The following PCYT1B variants were observed in gnomAD, a reference collection of about 807,000 sequenced individuals.
PCYT1B encodes the protein choline-phosphate cytidylyltransferase B.
PCYT1B carries 10 observed loss-of-function variants against 26.4 expected under a neutral mutation model. The ratio of observed to expected loss-of-function variants is 0.38; its 90% CI spans 0.23 to 0.64. The LOEUF (loss-of-function observed/expected upper bound fraction) is 0.64. Ranked by LOEUF, PCYT1B falls within the 30% of genes least tolerant of loss-of-function variation. The pLI is 0.56. For missense variants in PCYT1B, 161 were observed against 292.7 expected (o/e 0.55, Z 3.28); for synonymous variants, 131 against 108.4 (o/e 1.21, Z -1.29).
In PCYT1B at chrX:24,619,056, T is replaced by C; in HGVS notation, c.146A>G (p.Asp49Gly). ...TGCTTGACACTGGCAGTTGGTTTCA[T>C]CAGCAAATGGGGCAGGTGCAGTCAG... ...LTLTAPAPFA[D>G]ETNCQCQAPH... The change falls in exon 2 of 8, where the codon GAT becomes GGT. Residue 49 changes from aspartate (D) to glycine (G), a missense_variant. By Grantham distance (94) the Asp-to-Gly change is moderately conservative (BLOSUM62 -1). This residue lies in a region of PCYT1B where 51 missense variants were observed against 51.0 expected (regional missense o/e 1.00). Transcript: ENST00000379144. The C allele has an allele frequency of 8.4e-7, 1 of 1,192,534 alleles. No homozygotes were observed. Among genetic ancestry groups the C allele is most frequent in the East Asian group, 3.0e-5 (1 of 33,589 alleles).
At chrX:24,594,172 A>C (rs2148237428) in intron 3 of PCYT1B, among the ~76,000 whole-genome samples, 1 of 111,541 alleles carries the variant, frequency 9.0e-6, no homozygotes, top group Admixed American at 9.6e-5. Context: ...GAAGCATATT[A>C]TAAATAACTT....
intron 5 of PCYT1B, among the ~76,000 whole-genome samples, chrX:24,584,542 T>G (rs1384238121): frequency 2.7e-5 from 3 of 111,629 alleles, no homozygotes; most frequent in Non-Finnish European, 5.6e-5. Context: ...TGCTCTTGAC[T>G]TCTCAGGAAG....
At chrX:24,651,468 AAAAAATATAT>A (rs1478233482), upstream of PCYT1B, among the ~76,000 whole-genome samples, 7 of 33,932 alleles carry the variant, frequency 2.1e-4, no homozygotes, top group African/African-American at 8.5e-4. Context: ...AAAAAAAAAA[AAAAAATATAT>A]ATATATATAT....
chrX:24,617,451 TA>T (rs1195059001), intron 2 of PCYT1B, among the ~76,000 whole-genome samples: 2 of 52,201 alleles, frequency 3.8e-5, no homozygotes, highest in Non-Finnish European at 6.6e-5. Flanking sequence ...ATATTATTAT[TA>T]TTTTTTTTTT....
intron 3 of PCYT1B, among the ~76,000 whole-genome samples, chrX:24,597,083 T>C (rs1924805080): frequency 9.0e-6 from 1 of 111,141 alleles, no homozygotes; most frequent in South Asian, 3.8e-4. Context: ...TAAACTACGA[T>C]ACATATACCC....
At chrX:24,572,691 G>GA (rs750343931) in intron 7 of PCYT1B, among the ~76,000 whole-genome samples, 1 of 110,708 alleles carries the variant, frequency 9.0e-6, no homozygotes, top group East Asian at 2.8e-4. Flanking sequence ...AACGTCAACA[G>GA]AAAAAAAGTA....
chrX:24,628,780 A>G (rs1055862010), intron 1 of PCYT1B, among the ~76,000 whole-genome samples: 1 of 112,063 alleles, frequency 8.9e-6, no homozygotes, highest in Non-Finnish European at 1.9e-5. Flanking sequence ...ATACTTCTCC[A>G]TCATTGAATA....
At chrX:24,668,255 T>C (rs1303853662) in intron 1 of PCYT1B, among the ~76,000 whole-genome samples, 4 of 111,757 alleles carry the variant, frequency 3.6e-5, no homozygotes, top group African/African-American at 1.3e-4. Context: ...CTGAAGGAGC[T>C]GAAAGATTTA....
intron 3 of PCYT1B, among the ~76,000 whole-genome samples, chrX:24,593,205 T>TGGC (rs1569242576): frequency 8.9e-6 from 1 of 111,852 alleles, no homozygotes; most frequent in East Asian, 2.8e-4. Context: ...ACCTGGCCCC[T>TGGC]AGTAGGCTTT....
chrX:24,667,132 CT>C (rs1004035008), intron 1 of PCYT1B, among the ~76,000 whole-genome samples: 8 of 110,431 alleles, frequency 7.2e-5, no homozygotes, highest in African/African-American at 2.6e-4. Flanking sequence ...GCTTCTTGGC[CT>C]TTTGGCTAAG....
intron 3 of PCYT1B, among the ~76,000 whole-genome samples, chrX:24,605,502 A>G (rs1382510883): frequency 3.6e-5 from 4 of 112,093 alleles, no homozygotes; most frequent in Non-Finnish European, 7.5e-5. Flanking sequence ...TTACTTGTTT[A>G]GTGGGCAATG....
intron 5 of PCYT1B, among the ~76,000 whole-genome samples, chrX:24,585,550 C>T (rs754104659): frequency 9.0e-6 from 1 of 110,784 alleles, no homozygotes; most frequent in East Asian, 2.9e-4. Flanking sequence ...AGGTGACAGT[C>T]TCAGGCCAAA....
intron 7 of PCYT1B, among the ~76,000 whole-genome samples, chrX:24,565,402 A>T (rs952075311): frequency 9.0e-6 from 1 of 111,227 alleles, no homozygotes; most frequent in African/African-American, 3.3e-5. Flanking sequence ...GGGGAAGAAG[A>T]GGGTAGAAGA....
At chrX:24,650,861 C>G (rs748958473), upstream of PCYT1B, among the ~76,000 whole-genome samples, 3 of 111,843 alleles carry the variant, frequency 2.7e-5, no homozygotes, top group South Asian at 1.1e-3. Context: ...AAAAAAGATA[C>G]AACTTACAGC....
At chrX:24,621,963 G>C (rs771396929) in intron 1 of PCYT1B, 1 of 172,417 alleles carries the variant, frequency 5.8e-6, no homozygotes. Context: ...TATATGCACC[G>C]TGCATTTTGT....
rs780938588 is a variant in PCYT1B, at chrX:24,634,977, T to C, written c.117+12012A>G. On this transcript the variant is annotated intron_variant, in intron 1 of 7. Transcript: ENST00000379144. The stretch of plus-strand genomic sequence containing the variant: ...ATCTCACAGAAGACCATTAGAAATA[T>C]CTGCTACCAATAACATTAAATATCA... Among the ~76,000 whole-genome samples the C allele has an allele frequency of 5.8e-4, 65 of 112,091 alleles. 1 individual carries two copies. The highest frequency in any genetic ancestry group is 2.0e-3 in the African/African-American group (63 of 30,913).
chrX:24,656,551 C>CTTTTTTTTTTTTTTTTTTT (rs1179469896), intron 1 of PCYT1B, among the ~76,000 whole-genome samples: 9 of 56,633 alleles, frequency 1.6e-4, no homozygotes, highest in South Asian at 1.1e-3. Flanking sequence ...TCTTTTTTTC[C>CTTTTTTTTTTTTTTTTTTT]TTTTTTTTTT....
At chrX:24,644,853 A>G (rs1926573963) in intron 1 of PCYT1B, among the ~76,000 whole-genome samples, 1 of 111,950 alleles carries the variant, frequency 8.9e-6, no homozygotes, top group African/African-American at 3.3e-5. Context: ...TGAGGGCAGG[A>G]GTTCGAGACC....
intron 1 of PCYT1B, among the ~76,000 whole-genome samples, chrX:24,637,487 A>ATATATAT (rs1218518627): frequency 3.6e-5 from 2 of 56,175 alleles, no homozygotes; most frequent in Non-Finnish European, 5.4e-5. Flanking sequence ...ACTAAAAAAA[A>ATATATAT]AAAAATATAT....
Sources: gnomAD v4.1 joint callset for allele counts (sites outside exome capture counted in the v4.1 genomes callset) on GRCh38, gnomAD v4.1.1 for gene constraint, gnomAD v4.1.1 regional missense constraint, MANE v1.5 for transcripts, NCBI Gene and HGNC (gene_info 2026-07-23, HGNC 2026-07-21) for gene names.